Variants in KCNB2 observed in about 807,000 individuals in gnomAD.
KCNB2 encodes the protein potassium voltage-gated channel subfamily B member 2, also known as delayed rectifier potassium channel protein.
Under a neutral mutation model 61.5 loss-of-function variants are expected in KCNB2, and 15 were observed. That is an observed-to-expected ratio of 0.24 (90% CI 0.16 to 0.38). KCNB2 has a LOEUF of 0.38. Among genes scored for constraint, KCNB2 ranks in the 10% least tolerant of loss-of-function variants. The probability of loss-of-function intolerance (pLI) is 1.00; values close to 1 mark genes in which losing one functional copy is unlikely to be tolerated. For synonymous variants in KCNB2, 457 were observed against 446.0 expected (o/e 1.02, Z -0.31); for missense variants, 828 against 1,125.2 (o/e 0.74, Z 3.78).
At chr8:72,774,773 G>A (rs1164123490) in intron 2 of KCNB2, among the ~76,000 whole-genome samples, 1 of 151,818 alleles carries the variant, frequency 6.6e-6, no homozygotes, top group Non-Finnish European at 1.5e-5. Flanking sequence ...TATATACACT[G>A]CAATATGTTT....
chr8:72,756,210 C>T (rs1161326961), intron 2 of KCNB2, among the ~76,000 whole-genome samples: 1 of 152,206 alleles, frequency 6.6e-6, no homozygotes, highest in Admixed American at 6.5e-5. Flanking sequence ...TGTGACACCA[C>T]ACAGGCTAGT....
intron 2 of KCNB2, among the ~76,000 whole-genome samples, chr8:72,703,723 C>CA (rs1242190885): frequency 6.6e-6 from 1 of 152,028 alleles, no homozygotes; most frequent in Non-Finnish European, 1.5e-5. Flanking sequence ...CTCCCCCACA[C>CA]AAAAAAATCT....
At chr8:72,584,555 A>C (rs1198292273) in intron 2 of KCNB2, among the ~76,000 whole-genome samples, 1 of 152,220 alleles carries the variant, frequency 6.6e-6, no homozygotes, top group Non-Finnish European at 1.5e-5. Flanking sequence ...TAGGAAGTGA[A>C]AAATATATAT....
chr8:72,936,929 A>G lies in KCNB2; in HGVS notation c.1574A>G (p.Asn525Ser), dbSNP rs1241752417. The change falls in exon 3 of 3, where the codon AAC (asparagine) becomes AGC (serine). Residue 525 changes from asparagine to serine, a missense_variant. Physicochemically the swap from Asn to Ser is conservative, Grantham distance 46 (BLOSUM62 1). Coordinates refer to ENST00000523207, the MANE Select transcript of KCNB2 (RefSeq NM_004770.3). The surrounding 1 kb of genome is among the most constrained non-coding windows in gnomAD (Gnocchi z 5.6). ...VSQKDSHEQLNNTSSSSPQHL... is the reference protein window; with the variant it reads ...VSQKDSHEQLSNTSSSSPQHL... ...CAAAAAGACTCCCACGAGCAGCTGA[A>G]CAACACGTCTTCCTCCAGCCCACAG... The G allele has an allele frequency of 4.3e-6, 7 of 1,614,200 alleles. No homozygotes were observed. Among genetic ancestry groups the G allele is most frequent in the Non-Finnish European group, 5.9e-6 (7 of 1,180,028 alleles).
chr8:72,581,789 A>G (rs890697773), intron 2 of KCNB2, among the ~76,000 whole-genome samples: 2 of 152,218 alleles, frequency 1.3e-5, no homozygotes, highest in African/African-American at 4.8e-5. Flanking sequence ...GGGTTTATGC[A>G]AAGAAAGGAA....
rs117260109 is a variant in KCNB2, at chr8:72,625,771, T to G, written c.579+57458T>G. 2.6e-4 allele frequency among the ~76,000 whole-genome samples: 39 copies of G among 152,280 alleles called. 1 individual carries two copies. The East Asian group carries it at 7.3e-3, about 29-fold the overall frequency. On this transcript the variant is annotated intron_variant, in intron 2 of 2. Transcript: ENST00000523207. Reference sequence around the variant, plus strand: ...TTCTGGTCCAAAGGAGGAAAAATAATGCTGGACATATCTCAGCATTGACTT... The same window carrying G: ...TTCTGGTCCAAAGGAGGAAAAATAAGGCTGGACATATCTCAGCATTGACTT...
At chr8:72,775,828 T>C (rs1808640285) in intron 2 of KCNB2, among the ~76,000 whole-genome samples, 1 of 152,200 alleles carries the variant, frequency 6.6e-6, no homozygotes, top group East Asian at 1.9e-4. Context: ...ATAACCATTG[T>C]GGAAGACAGT....
chr8:72,624,899 C>T (rs1585792017), intron 2 of KCNB2, among the ~76,000 whole-genome samples: 1 of 152,206 alleles, frequency 6.6e-6, no homozygotes, highest in South Asian at 2.1e-4. Context: ...GGGAGCCCAC[C>T]TAGCCAGGAG....
At chr8:72,546,045 G>A in intron 1 of KCNB2, among the ~76,000 whole-genome samples, 1 of 152,120 alleles carries the variant, frequency 6.6e-6, no homozygotes, top group Admixed American at 6.5e-5. Context: ...TATTGGTAAA[G>A]GCCCCCTGTT....
At chr8:72,777,678 T>G (rs1260666449) in intron 2 of KCNB2, among the ~76,000 whole-genome samples, 1 of 152,210 alleles carries the variant, frequency 6.6e-6, no homozygotes, top group African/African-American at 2.4e-5. Context: ...TCTTTAAAAA[T>G]TGTGTTTGTG....
intron 2 of KCNB2, among the ~76,000 whole-genome samples, chr8:72,796,667 A>G (rs1490408815): frequency 2.0e-5 from 3 of 152,186 alleles, no homozygotes; most frequent in South Asian, 2.1e-4. Flanking sequence ...CTAACTTACT[A>G]AAAAGTGTAA....
chr8:72,864,679 GC>G (rs1284752932), intron 2 of KCNB2, among the ~76,000 whole-genome samples: 3 of 152,188 alleles, frequency 2.0e-5, no homozygotes, highest in Admixed American at 2.0e-4. Context: ...ATGGAAAGTA[GC>G]AGAAAGACGA....
intron 2 of KCNB2, among the ~76,000 whole-genome samples, chr8:72,695,644 A>C (rs1030504806): frequency 6.6e-6 from 1 of 152,218 alleles, no homozygotes; most frequent in Non-Finnish European, 1.5e-5. Context: ...TAAACGATAA[A>C]GGTAGAGCCA....
intron 2 of KCNB2, among the ~76,000 whole-genome samples, chr8:72,815,128 G>C (rs1239812319): frequency 6.6e-6 from 1 of 152,058 alleles, no homozygotes; most frequent in Non-Finnish European, 1.5e-5. Context: ...AAGCTACCCA[G>C]GTAAAAGTGG....
At chr8:72,709,401 T>A (rs962702608) in intron 2 of KCNB2, among the ~76,000 whole-genome samples, 4 of 151,904 alleles carry the variant, frequency 2.6e-5, no homozygotes, top group Non-Finnish European at 5.9e-5. Flanking sequence ...TGAGACTGGG[T>A]AATTTATGAA....
intron 2 of KCNB2, among the ~76,000 whole-genome samples, chr8:72,753,127 A>T (rs557083625): frequency 6.6e-6 from 1 of 152,224 alleles, no homozygotes; most frequent in Non-Finnish European, 1.5e-5. Context: ...AGGTATCTGG[A>T]TAGCAAACCT....
At chr8:72,821,277 T>C (rs138360547) in intron 2 of KCNB2, among the ~76,000 whole-genome samples, 4 of 152,200 alleles carry the variant, frequency 2.6e-5, no homozygotes, top group Admixed American at 6.5e-5. Flanking sequence ...GTTAAATATA[T>C]AGTGTTTATT....
intron 2 of KCNB2, among the ~76,000 whole-genome samples, chr8:72,814,442 A>G (rs971580680): frequency 6.6e-6 from 1 of 152,172 alleles, no homozygotes; most frequent in Non-Finnish European, 1.5e-5. Context: ...ATACTAATTT[A>G]TATTCCCTCC....
intron 2 of KCNB2, among the ~76,000 whole-genome samples, chr8:72,609,681 GTATAT>G (rs1274755377): frequency 6.6e-6 from 1 of 152,136 alleles, no homozygotes; most frequent in Non-Finnish European, 1.5e-5. Context: ...ATTTAATATT[GTATAT>G]TATAATGTCA....
Sources: allele counts gnomAD v4.1 joint callset (sites outside exome capture counted in the v4.1 genomes callset), GRCh38; gene constraint gnomAD v4.1.1; non-coding constraint Gnocchi (gnomAD v3.1); transcripts MANE v1.5; gene names NCBI Gene and HGNC (gene_info 2026-07-23, HGNC 2026-07-21).